Variants in OXR1 observed in about 807,000 individuals in gnomAD.
OXR1 encodes oxidation resistance protein 1.
A neutral mutation model predicts 104.6 loss-of-function variants in OXR1; 41 were observed. That is an observed-to-expected ratio of 0.39 (90% CI 0.31 to 0.51). The LOEUF (loss-of-function observed/expected upper bound fraction) is 0.51, where lower values mean the gene tolerates loss of function less well. OXR1 is among the 20% of genes least tolerant of loss of function. OXR1 has a pLI of 0.77. For missense variants in OXR1, 955 were observed against 1,031.9 expected (o/e 0.93, Z 1.02); for synonymous variants, 348 against 348.4 (o/e 1.00, Z 0.01).
At chr8:106,281,799 CAAAA>C (rs59515650) in intron 1 of OXR1, among the ~76,000 whole-genome samples, 14,128 of 61,792 alleles carry the variant, frequency 0.23, 599 homozygotes, top group African/African-American at 0.3. Flanking sequence ...GACTCTATCT[CAAAA>C]AAAAAAAAAA....
intron 2 of OXR1, among the ~76,000 whole-genome samples, chr8:106,402,621 C>A (rs1818045143): frequency 6.6e-6 from 1 of 152,130 alleles, no homozygotes; most frequent in African/African-American, 2.4e-5. Context: ...TAGCTCAAAA[C>A]CAGTGTCCAG....
chr8:106,442,060 T>C (rs1419007817), intron 2 of OXR1, among the ~76,000 whole-genome samples: 1 of 152,204 alleles, frequency 6.6e-6, no homozygotes, highest in Admixed American at 6.5e-5. Context: ...TTGTCATCAG[T>C]AGCTCTTATT....
At chr8:106,405,455 A>G (rs1818198401) in intron 2 of OXR1, among the ~76,000 whole-genome samples, 1 of 152,110 alleles carries the variant, frequency 6.6e-6, no homozygotes, top group African/African-American at 2.4e-5. Context: ...AACTTGTCCC[A>G]TCAAGAAATG....
At chr8:106,714,780 T>G (rs547259952) in intron 11 of OXR1, among the ~76,000 whole-genome samples, 2 of 152,256 alleles carry the variant, frequency 1.3e-5, no homozygotes, top group East Asian at 3.9e-4. Flanking sequence ...ATTCATTGGG[T>G]GTTAATGTTT....
intron 2 of OXR1, among the ~76,000 whole-genome samples, chr8:106,507,313 A>G (rs1296810518): frequency 3.3e-5 from 5 of 152,250 alleles, no homozygotes; most frequent in Non-Finnish European, 2.9e-5. Flanking sequence ...TATTAGATCC[A>G]TTTTACAAAT....
At chr8:106,490,539 TA>T (rs35962351) in intron 2 of OXR1, among the ~76,000 whole-genome samples, 11,589 of 152,164 alleles carry the variant, frequency 0.076, 498 homozygotes, top group Middle Eastern at 0.088. Flanking sequence ...TGTGTGTGCA[TA>T]TTTTTAGGGA....
At chr8:106,414,658 A>C (rs1272308581) in intron 2 of OXR1, among the ~76,000 whole-genome samples, 2 of 152,152 alleles carry the variant, frequency 1.3e-5, no homozygotes, top group Non-Finnish European at 2.9e-5. Context: ...GAAGCAGTAA[A>C]AAATATTCCA....
intron 1 of OXR1, among the ~76,000 whole-genome samples, chr8:106,300,465 A>T (rs1813184104): frequency 6.6e-6 from 1 of 151,880 alleles, no homozygotes; most frequent in South Asian, 2.1e-4. Context: ...TCTCATGTTG[A>T]TTTCTATATT....
chr8:106,530,494 A>G (rs1262387853), intron 3 of OXR1, among the ~76,000 whole-genome samples: 2 of 152,178 alleles, frequency 1.3e-5, no homozygotes, highest in African/African-American at 4.8e-5. Flanking sequence ...TACAGGATTT[A>G]TGCTGGTCAA....
At chr8:106,636,916 G>A (rs1447797133) in intron 3 of OXR1, among the ~76,000 whole-genome samples, 5 of 152,074 alleles carry the variant, frequency 3.3e-5, no homozygotes, top group Admixed American at 2.0e-4. Flanking sequence ...GTAGATATTT[G>A]TTTGCTTTTC....
intron 10 of OXR1, among the ~76,000 whole-genome samples, chr8:106,712,704 T>C (rs1333779459): frequency 2.0e-5 from 3 of 152,058 alleles, no homozygotes; most frequent in Non-Finnish European, 2.9e-5. Context: ...GTAAGTACAA[T>C]GTGTGTCTTC....
intron 1 of OXR1, among the ~76,000 whole-genome samples, chr8:106,287,769 C>G (rs1187071544): frequency 6.6e-6 from 1 of 152,094 alleles, no homozygotes; most frequent in Non-Finnish European, 1.5e-5. Context: ...ATAAAAAGTT[C>G]TGACCTTTGT....
At chr8:106,554,836 C>T in intron 3 of OXR1, among the ~76,000 whole-genome samples, 1 of 151,886 alleles carries the variant, frequency 6.6e-6, no homozygotes, top group East Asian at 1.9e-4. Flanking sequence ...CATTCTTAAC[C>T]CCAGATTAAA....
intron 2 of OXR1, among the ~76,000 whole-genome samples, chr8:106,446,741 G>A (rs1820025958): frequency 6.6e-6 from 1 of 151,978 alleles, no homozygotes; most frequent in Admixed American, 6.6e-5. Context: ...GACCAGCCTG[G>A]GCAACATAGC....
chr8:106,479,093 A>G (rs1821963151), intron 2 of OXR1, among the ~76,000 whole-genome samples: 1 of 152,002 alleles, frequency 6.6e-6, no homozygotes, highest in Non-Finnish European at 1.5e-5. Flanking sequence ...ACTTTTCAAT[A>G]GGTTGTTTCA....
chr8:106,714,376 C>T (rs1047126729), intron 11 of OXR1, among the ~76,000 whole-genome samples: 3 of 152,052 alleles, frequency 2.0e-5, no homozygotes, highest in South Asian at 2.1e-4. Context: ...GGAGGAGGTA[C>T]GGCAGTCATT....
At chr8:106,322,280 C>T (rs1199825759) in intron 1 of OXR1, among the ~76,000 whole-genome samples, 4 of 152,058 alleles carry the variant, frequency 2.6e-5, no homozygotes, top group Non-Finnish European at 4.4e-5. Flanking sequence ...TCACATAAAT[C>T]GAACTAAAAA....
At chr8:106,671,207 A>T (rs1400158006) in intron 3 of OXR1, among the ~76,000 whole-genome samples, 1 of 151,804 alleles carries the variant, frequency 6.6e-6, no homozygotes, top group African/African-American at 2.4e-5. Flanking sequence ...CAGCATTAAG[A>T]TGGACATTGA....
chr8:106,748,769 C>T (rs940888365), intron 16 of OXR1, among the ~76,000 whole-genome samples: 1 of 151,166 alleles, frequency 6.6e-6, no homozygotes, highest in African/African-American at 2.4e-5. Context: ...AGGGTTTCGC[C>T]ATGTTGGCCA....
Sources: allele counts gnomAD v4.1 joint callset (sites outside exome capture counted in the v4.1 genomes callset), GRCh38; gene constraint gnomAD v4.1.1; transcripts MANE v1.5; gene names NCBI Gene and HGNC (gene_info 2026-07-23, HGNC 2026-07-21).